FOXP2: variants seen among roughly 807,000 people sequenced by gnomAD.
FOXP2 encodes the protein forkhead box P2, also known as forkhead box protein P2.
FOXP2 carries 12 observed loss-of-function variants against 115.8 expected under a neutral mutation model. The ratio of observed to expected loss-of-function variants is 0.10; its 90% CI spans 0.07 to 0.17. The LOEUF (loss-of-function observed/expected upper bound fraction) is 0.17. Among genes scored for constraint, FOXP2 ranks in the 10% least tolerant of loss-of-function variants. The pLI is 1.00. For missense variants in FOXP2, 629 were observed against 843.5 expected (o/e 0.75, Z 3.15); for synonymous variants, 328 against 297.7 (o/e 1.10, Z -1.05).
chr7:114,124,256 A>T (rs1791644910), intron 1 of FOXP2, among the ~76,000 whole-genome samples: 1 of 152,098 alleles, frequency 6.6e-6, no homozygotes, highest in Admixed American at 6.6e-5. Context: ...CATAACTAGG[A>T]TGTTCAATAA....
chr7:114,238,607 A>C (rs1281524876), intron 1 of FOXP2, among the ~76,000 whole-genome samples: 1 of 152,076 alleles, frequency 6.6e-6, no homozygotes, highest in African/African-American at 2.4e-5. Context: ...ACCCATCTCT[A>C]CTAAAAATAC....
chr7:114,664,633 C>A, intron 16 of FOXP2, 197 bp downstream of exon 16: 1 of 620,026 alleles, frequency 1.6e-6, no homozygotes, highest in Non-Finnish European at 2.8e-6. Flanking sequence ...TCTCAAATGC[C>A]ATATCATTAT....
At chr7:114,467,606 T>G (rs1795863115) in intron 2 of FOXP2, among the ~76,000 whole-genome samples, 1 of 152,200 alleles carries the variant, frequency 6.6e-6, no homozygotes, top group Non-Finnish European at 1.5e-5. Context: ...CCTTCCCGGT[T>G]GTTGTTTACT....
At chr7:114,236,129 T>TA (rs1202704509) in intron 1 of FOXP2, among the ~76,000 whole-genome samples, 1 of 152,158 alleles carries the variant, frequency 6.6e-6, no homozygotes, top group Admixed American at 6.5e-5. Context: ...TCCTTTTATT[T>TA]AAAAAATGCT....
intron 3 of FOXP2, among the ~76,000 whole-genome samples, chr7:114,550,909 T>C (rs1029693000): frequency 6.6e-6 from 1 of 152,244 alleles, no homozygotes; most frequent in Admixed American, 6.5e-5. Flanking sequence ...GTGTTTGATA[T>C]GGTTATGTTA....
intron 2 of FOXP2, among the ~76,000 whole-genome samples, chr7:114,396,493 T>A (rs1173026318): frequency 6.6e-6 from 1 of 152,190 alleles, no homozygotes; most frequent in East Asian, 1.9e-4. Flanking sequence ...TGATTTCATT[T>A]TCTTTGGGCT....
At chr7:114,400,001 C>T (rs1034446872) in intron 2 of FOXP2, among the ~76,000 whole-genome samples, 29 of 151,732 alleles carry the variant, frequency 1.9e-4, no homozygotes, top group Non-Finnish European at 4.0e-4. Flanking sequence ...GGATTACAGG[C>T]GCCTGGTACC....
intron 1 of FOXP2, among the ~76,000 whole-genome samples, chr7:114,168,258 C>T (rs1793036148): frequency 6.6e-6 from 1 of 152,102 alleles, no homozygotes; most frequent in Non-Finnish European, 1.5e-5. Context: ...TTGGAGGGCT[C>T]AGAAGAAGAC....
At chr7:114,233,964 A>G (rs942650856) in intron 1 of FOXP2, among the ~76,000 whole-genome samples, 3 of 152,198 alleles carry the variant, frequency 2.0e-5, no homozygotes, top group African/African-American at 7.2e-5. Context: ...GTGAGTCCAC[A>G]TTGCGCCACT....
chr7:114,478,483 T>C (rs1275651357), intron 2 of FOXP2, among the ~76,000 whole-genome samples: 1 of 151,788 alleles, frequency 6.6e-6, no homozygotes, highest in Non-Finnish European at 1.5e-5. Context: ...CTTGGTCTGG[T>C]TTATCTTCTT....
At chr7:114,439,637 C>T (rs1454386761) in intron 2 of FOXP2, among the ~76,000 whole-genome samples, 2 of 152,200 alleles carry the variant, frequency 1.3e-5, no homozygotes, top group African/African-American at 4.8e-5. Context: ...CCTCCACCTC[C>T]GGGCTAAAGC....
chr7:114,287,275 A>T (rs115716089), intron 1 of FOXP2, among the ~76,000 whole-genome samples: 1,764 of 152,108 alleles, frequency 0.012, 33 homozygotes, highest in African/African-American at 0.041. Context: ...AACTGCAAAA[A>T]GTCTCATAAT....
chr7:114,175,064 G>T (rs1389431642), intron 1 of FOXP2, among the ~76,000 whole-genome samples: 2 of 152,048 alleles, frequency 1.3e-5, no homozygotes, highest in Admixed American at 6.5e-5. Context: ...ATGCTTAAAT[G>T]AGGGATAAAA....
In FOXP2 at chr7:114,103,831, A is replaced by C. The variant is rs574571543; in HGVS notation, c.-247+15993A>C. 2.0e-5 allele frequency among the ~76,000 whole-genome samples: 3 copies of C among 152,102 alleles called. No homozygotes were observed. In the South Asian group the frequency reaches 6.2e-4, roughly 32 times the overall value. The stretch of plus-strand genomic sequence containing the variant: ...TTTATCACCATTTTTCAACATCTTA[A>C]ATAAGGATTTTGTGATTTTTGACTT... On this transcript the variant is annotated intron_variant, in intron 1 of 19. Coordinates refer to the FOXP2 transcript ENST00000635638.
intron 2 of FOXP2, among the ~76,000 whole-genome samples, chr7:114,300,173 A>G (rs1796845094): frequency 6.6e-6 from 1 of 152,076 alleles, no homozygotes; most frequent in Admixed American, 6.6e-5. Flanking sequence ...TCTTATTGTT[A>G]TACTTTAGGC....
intron 3 of FOXP2, among the ~76,000 whole-genome samples, chr7:114,616,171 GT>G (rs56051230): frequency 0.13 from 19,680 of 149,120 alleles, 1,545 homozygotes; most frequent in African/African-American, 0.22. Flanking sequence ...TGTCGTTTTT[GT>G]TTTTTTTTGA....
At chr7:114,217,618 G>A (rs1794519559) in intron 1 of FOXP2, among the ~76,000 whole-genome samples, 1 of 152,100 alleles carries the variant, frequency 6.6e-6, no homozygotes, top group South Asian at 2.1e-4. Context: ...ATATTTTATG[G>A]CATTGGGCCA....
chr7:114,222,967 A>T (rs957278139), intron 1 of FOXP2, among the ~76,000 whole-genome samples: 1 of 152,210 alleles, frequency 6.6e-6, no homozygotes, highest in Non-Finnish European at 1.5e-5. Flanking sequence ...ATTTATTATT[A>T]CATTGTATAA....
intron 1 of FOXP2, among the ~76,000 whole-genome samples, chr7:114,164,054 A>G (rs1792907805): frequency 2.0e-5 from 3 of 152,192 alleles, no homozygotes; most frequent in Admixed American, 6.5e-5. Flanking sequence ...TTTCAATGCA[A>G]TATTCTTATT....
Sources: allele counts gnomAD v4.1 joint callset (sites outside exome capture counted in the v4.1 genomes callset), GRCh38; gene constraint gnomAD v4.1.1; transcripts MANE v1.5; gene names NCBI Gene and HGNC (gene_info 2026-07-23, HGNC 2026-07-21).